The following ANKS1B variants were observed in gnomAD, a reference collection of about 807,000 sequenced individuals.
ANKS1B encodes ankyrin repeat and sterile alpha motif domain containing 1B, also known as ankyrin repeat and sterile alpha motif domain-containing protein 1B.
A neutral mutation model predicts 148.3 loss-of-function variants in ANKS1B; 36 were observed. The observed-to-expected ratio is 0.24, with a 90% confidence interval of 0.19 to 0.32. ANKS1B has a LOEUF of 0.32. ANKS1B is among the 10% of genes least tolerant of loss of function. The pLI is 1.00. For missense variants in ANKS1B, 1,157 were observed against 1,542.6 expected, an observed-to-expected ratio of 0.75 and a Z score of 4.19; for synonymous variants, 542 against 560.8, an observed-to-expected ratio of 0.97 and a Z score of 0.47.
intron 17 of ANKS1B, among the ~76,000 whole-genome samples, chr12:98,864,538 A>G (rs1009116120): frequency 6.6e-6 from 1 of 152,144 alleles, no homozygotes; most frequent in Admixed American, 6.5e-5. Context: ...GCCTCATCCA[A>G]TCAGGTGAAG....
intron 12 of ANKS1B, among the ~76,000 whole-genome samples, chr12:99,320,024 C>G (rs879290645): frequency 1.3e-5 from 2 of 152,236 alleles, no homozygotes; most frequent in Non-Finnish European, 2.9e-5. Flanking sequence ...TTGGCCCCCA[C>G]TCTCTTCTGG....
At chr12:99,590,780 T>G (rs954863646) in intron 9 of ANKS1B, among the ~76,000 whole-genome samples, 1 of 152,202 alleles carries the variant, frequency 6.6e-6, no homozygotes, top group Non-Finnish European at 1.5e-5. Context: ...GAATAAGGGT[T>G]TGTAGGCAAT....
intron 17 of ANKS1B, among the ~76,000 whole-genome samples, chr12:98,980,361 C>T (rs538716769): frequency 6.6e-6 from 1 of 152,254 alleles, no homozygotes; most frequent in South Asian, 2.1e-4. Context: ...CCACCACGCC[C>T]AGCTAATTTT....
intron 2 of ANKS1B, among the ~76,000 whole-genome samples, chr12:99,821,122 C>T (rs2082449043): frequency 6.6e-6 from 1 of 151,980 alleles, no homozygotes; most frequent in South Asian, 2.1e-4. Context: ...CACAGTGTAT[C>T]ATTCAATGTT....
chr12:99,270,705 G>A (rs2076944954), intron 12 of ANKS1B, among the ~76,000 whole-genome samples: 1 of 152,138 alleles, frequency 6.6e-6, no homozygotes, highest in South Asian at 2.1e-4. Context: ...ACTAGAGCTG[G>A]ATTGTTCTCT....
At chr12:99,082,401 TGAAG>T (rs1402230206) in intron 16 of ANKS1B, among the ~76,000 whole-genome samples, 1 of 152,142 alleles carries the variant, frequency 6.6e-6, no homozygotes, top group African/African-American at 2.4e-5. Flanking sequence ...TATGAAGTTC[TGAAG>T]GAAGGGCTTT....
chr12:99,645,036 A>G (rs2153426027), intron 9 of ANKS1B, among the ~76,000 whole-genome samples: 1 of 152,352 alleles, frequency 6.6e-6, no homozygotes, highest in East Asian at 1.9e-4. Context: ...AAACTGAATC[A>G]CATCTGCAAA....
chr12:99,262,596 A>C (rs2076033215), intron 12 of ANKS1B, among the ~76,000 whole-genome samples: 2 of 152,042 alleles, frequency 1.3e-5, no homozygotes, highest in African/African-American at 4.8e-5. Flanking sequence ...TACTATTAAC[A>C]TTTTTATATT....
intron 12 of ANKS1B, among the ~76,000 whole-genome samples, chr12:99,356,101 T>G (rs556238088): frequency 6.6e-6 from 1 of 152,200 alleles, no homozygotes; most frequent in Middle Eastern, 3.4e-3. Context: ...ACTCTTAAAA[T>G]ATACAGGAAT....
chr12:99,571,586 CTA>C (rs1053785796), intron 9 of ANKS1B, among the ~76,000 whole-genome samples: 17 of 152,064 alleles, frequency 1.1e-4, no homozygotes, highest in Admixed American at 9.2e-4. Flanking sequence ...TTGTATCCTT[CTA>C]TGTTTGAAGA....
chr12:99,624,277 G>A (rs1048409800), intron 9 of ANKS1B, among the ~76,000 whole-genome samples: 11 of 152,000 alleles, frequency 7.2e-5, no homozygotes, highest in African/African-American at 2.2e-4. Flanking sequence ...AGACTTAAAC[G>A]TAAGACCTCT....
chr12:99,714,788 G>A (rs1005320542), intron 8 of ANKS1B, among the ~76,000 whole-genome samples: 1 of 151,920 alleles, frequency 6.6e-6, no homozygotes, highest in Non-Finnish European at 1.5e-5. Flanking sequence ...GGCTTCTACT[G>A]TTCCAGTGAA....
chr12:99,643,197 C>T (rs2098327314), intron 9 of ANKS1B, among the ~76,000 whole-genome samples: 1 of 152,168 alleles, frequency 6.6e-6, no homozygotes, highest in South Asian at 2.1e-4. Flanking sequence ...TTCATGCCAT[C>T]TCAACGTCCC....
chr12:99,692,820 ATG>A (rs2053320058), intron 8 of ANKS1B, among the ~76,000 whole-genome samples: 1 of 152,142 alleles, frequency 6.6e-6, no homozygotes, highest in African/African-American at 2.4e-5. Flanking sequence ...GGGGAAAAGC[ATG>A]TGTTCTACTT....
intron 10 of ANKS1B, among the ~76,000 whole-genome samples, chr12:99,494,973 T>A (rs1386494733): frequency 2.6e-5 from 4 of 152,070 alleles, no homozygotes; most frequent in African/African-American, 9.7e-5. Flanking sequence ...GTAAATTCTA[T>A]TTTCTTTATG....
At chr12:98,861,317 G>A (rs1355829263) in intron 17 of ANKS1B, among the ~76,000 whole-genome samples, 1 of 152,174 alleles carries the variant, frequency 6.6e-6, no homozygotes, top group Admixed American at 6.5e-5. Flanking sequence ...GCACTTCTTG[G>A]AGTCCAGTTT....
intron 4 of ANKS1B, among the ~76,000 whole-genome samples, chr12:99,788,208 A>T (rs2065207398): frequency 6.6e-6 from 1 of 152,238 alleles, no homozygotes; most frequent in Non-Finnish European, 1.5e-5. Flanking sequence ...TGCAATTCAC[A>T]ACAACAAAAG....
chr12:99,275,313 T>G (rs1376106599), intron 12 of ANKS1B, among the ~76,000 whole-genome samples: 1 of 152,164 alleles, frequency 6.6e-6, no homozygotes, highest in African/African-American at 2.4e-5. Context: ...CTAACTACTT[T>G]TTGTACCTAT....
intron 15 of ANKS1B, among the ~76,000 whole-genome samples, chr12:99,139,225 T>C (rs1264770968): frequency 6.8e-6 from 1 of 147,500 alleles, no homozygotes; most frequent in Non-Finnish European, 1.5e-5. Context: ...CTTCTCTTTC[T>C]TTCCTTCCTT....
Sources: gnomAD v4.1 joint callset for allele counts (sites outside exome capture counted in the v4.1 genomes callset) on GRCh38, gnomAD v4.1.1 for gene constraint, MANE v1.5 for transcripts, NCBI Gene and HGNC (gene_info 2026-07-23, HGNC 2026-07-21) for gene names.